SYN3: variants seen among roughly 807,000 people sequenced by gnomAD.
The protein encoded by SYN3 is synapsin-3.
Under a neutral mutation model 65.8 loss-of-function variants are expected in SYN3, and 35 were observed. The observed-to-expected ratio is 0.53, with a 90% confidence interval of 0.41 to 0.70. The LOEUF (loss-of-function observed/expected upper bound fraction) is 0.70. SYN3 is among the 30% of genes least tolerant of loss of function. The pLI is 0.00. For synonymous variants in SYN3, 270 were observed against 292.9 expected, an observed-to-expected ratio of 0.92 and a Z score of 0.80; for missense variants, 680 against 749.0, an observed-to-expected ratio of 0.91 and a Z score of 1.08.
chr22:32,996,347 CT>C (rs1203766087), intron 2 of SYN3, among the ~76,000 whole-genome samples: 1 of 152,114 alleles, frequency 6.6e-6, no homozygotes, highest in Non-Finnish European at 1.5e-5. Context: ...AGCACCCACA[CT>C]GAAAAACAGC....
At chr22:32,844,245 G>T (rs1345103026) in intron 6 of SYN3, among the ~76,000 whole-genome samples, 1 of 152,118 alleles carries the variant, frequency 6.6e-6, no homozygotes, top group Non-Finnish European at 1.5e-5. Flanking sequence ...GCAGCTCAAG[G>T]GTATCTTGCC....
At chr22:32,578,672 G>A (rs959388734) in intron 7 of SYN3, among the ~76,000 whole-genome samples, 1 of 152,182 alleles carries the variant, frequency 6.6e-6, no homozygotes, top group Non-Finnish European at 1.5e-5. Flanking sequence ...CTTGAACATA[G>A]TAAGGGCAAG....
intron 6 of SYN3, among the ~76,000 whole-genome samples, chr22:32,680,682 A>G (rs2060511132): frequency 1.3e-5 from 2 of 152,190 alleles, no homozygotes; most frequent in African/African-American, 4.8e-5. Context: ...AGAATTTCCT[A>G]TTTGTTCAGA....
chr22:32,597,555 T>A (rs2059220744), intron 6 of SYN3, among the ~76,000 whole-genome samples: 1 of 152,068 alleles, frequency 6.6e-6, no homozygotes, highest in South Asian at 2.1e-4. Flanking sequence ...CCTGAAAACT[T>A]TCACTACTTC....
chr22:32,871,659 A>G (rs2048852666), intron 4 of SYN3, among the ~76,000 whole-genome samples: 1 of 151,952 alleles, frequency 6.6e-6, no homozygotes, highest in Non-Finnish European at 1.5e-5. Context: ...CTCAGGCTGG[A>G]GTGCAGTGGT....
intron 4 of SYN3, among the ~76,000 whole-genome samples, chr22:32,891,617 C>A (rs1230621396): frequency 1.3e-5 from 2 of 152,350 alleles, no homozygotes; most frequent in Non-Finnish European, 2.9e-5. Flanking sequence ...GCCATTCCTG[C>A]TTAAGCAAGG....
At chr22:32,759,324 T>C (rs1182680647) in intron 6 of SYN3, among the ~76,000 whole-genome samples, 1 of 152,112 alleles carries the variant, frequency 6.6e-6, no homozygotes, top group African/African-American at 2.4e-5. Context: ...AAATGGATGG[T>C]CACACCATGG....
rs1435752395 is a variant in SYN3 at position 32,741,345 on chromosome 22, CA to C, written c.711+123569del. On this transcript the variant is annotated intron_variant, in intron 6 of 13. Transcript: ENST00000358763. ...ACCCAAGCATTCTGGCTCTAGAGCC[CA>C]ATTTTTTTTTTTTTTTTTTTTTTTT... is the stretch of plus-strand genomic sequence containing the variant. Among the ~76,000 whole-genome samples, 518 of 139,714 alleles carry C rather than the reference CA, an allele frequency of 3.7e-3. 7 individuals carry two copies. The highest frequency in any genetic ancestry group is 0.012 in the African/African-American group (479 of 38,830). The allele number at this position is 139,714 out of a possible 152,430, so 91.7% of individuals were successfully genotyped here.
chr22:32,876,373 T>C (rs1254450300), intron 4 of SYN3, among the ~76,000 whole-genome samples: 2 of 152,132 alleles, frequency 1.3e-5, no homozygotes, highest in South Asian at 2.1e-4. Context: ...ATTCAGACCA[T>C]AGCAAACCCC....
intron 6 of SYN3, among the ~76,000 whole-genome samples, chr22:32,864,083 G>C (rs1429964791): frequency 6.6e-6 from 1 of 152,192 alleles, no homozygotes; most frequent in Non-Finnish European, 1.5e-5. Flanking sequence ...AAACAGGACT[G>C]TCTAGCCCAG....
chr22:32,938,892 C>T (rs188753699), intron 3 of SYN3, among the ~76,000 whole-genome samples: 2 of 144,286 alleles, frequency 1.4e-5, no homozygotes, highest in Admixed American at 1.4e-4. Flanking sequence ...TGCACCACTG[C>T]ACTTCGGCCT....
intron 3 of SYN3, among the ~76,000 whole-genome samples, chr22:32,958,522 A>G (rs571944154): frequency 2.6e-5 from 4 of 152,228 alleles, no homozygotes; most frequent in Admixed American, 2.0e-4. Context: ...AATACTATCC[A>G]TAGTTCCAGT....
intron 6 of SYN3, among the ~76,000 whole-genome samples, chr22:32,853,238 A>T (rs2048272418): frequency 6.6e-6 from 1 of 152,318 alleles, no homozygotes; most frequent in Admixed American, 6.5e-5. Flanking sequence ...CTCTGCAGAG[A>T]CTGGCTCCAT....
chr22:32,814,153 A>AGG (rs2046998038), intron 6 of SYN3, among the ~76,000 whole-genome samples: 1 of 136,226 alleles, frequency 7.3e-6, no homozygotes, highest in African/African-American at 2.8e-5. Context: ...AGAGAGAGAG[A>AGG]GAGAGAGAGA....
At chr22:32,633,702 A>G (rs1222221330) in intron 6 of SYN3, among the ~76,000 whole-genome samples, 4 of 152,150 alleles carry the variant, frequency 2.6e-5, no homozygotes, top group Non-Finnish European at 2.9e-5. Context: ...AGCTCCCTGC[A>G]GCCTCGACCT....
Position 32,725,748 on chromosome 22 carries a change from A to C in SYN3, c.712-129012T>G, listed in dbSNP as rs756158461. On this transcript the variant is annotated intron_variant, in intron 6 of 13. Transcript: ENST00000358763. ...AGAACCAGCCCTGCTGACCCAGTTT[A>C]GACTTCTGACGTCCAAACAGGAAGA... 5.1e-4 allele frequency among the ~76,000 whole-genome samples: 78 copies of C among 152,236 alleles called. 1 individual carries two copies. The highest frequency in any genetic ancestry group is 5.3e-4 in the Non-Finnish European group (36 of 68,038).
At chr22:32,793,061 T>C (rs765595775) in intron 6 of SYN3, among the ~76,000 whole-genome samples, 3 of 152,230 alleles carry the variant, frequency 2.0e-5, no homozygotes, top group Non-Finnish European at 4.4e-5. Flanking sequence ...GTGGGACTAC[T>C]GCATTGAAAG....
chr22:32,985,683 C>G (rs1266802340), intron 2 of SYN3, among the ~76,000 whole-genome samples: 1 of 152,064 alleles, frequency 6.6e-6, no homozygotes, highest in Non-Finnish European at 1.5e-5. Flanking sequence ...AGAGCCCTGG[C>G]GTCCTTCATG....
chr22:32,815,125 T>C (rs1569246119), intron 6 of SYN3, among the ~76,000 whole-genome samples: 1 of 152,240 alleles, frequency 6.6e-6, no homozygotes, highest in Non-Finnish European at 1.5e-5. Context: ...CAGGTCAAGA[T>C]AACATTTGCA....
Sources: gnomAD v4.1 joint callset for allele counts (sites outside exome capture counted in the v4.1 genomes callset) on GRCh38, gnomAD v4.1.1 for gene constraint, MANE v1.5 for transcripts, NCBI Gene and HGNC (gene_info 2026-07-23, HGNC 2026-07-21) for gene names.